RBM41: variants seen among roughly 807,000 people sequenced by gnomAD.
The protein encoded by RBM41 is RNA binding motif protein 41.
RBM41 carries 14 observed loss-of-function variants against 30.8 expected under a neutral mutation model. That is an observed-to-expected ratio of 0.45 (90% CI 0.30 to 0.71). The LOEUF is 0.71. RBM41 is among the 30% of genes least tolerant of loss of function. RBM41 has a pLI of 0.08. For missense variants in RBM41, 276 were observed against 326.3 expected (o/e 0.85, Z 1.19); for synonymous variants, 120 against 110.1 (o/e 1.09, Z -0.56).
chrX:107,097,762 C>T lies in RBM41; in HGVS notation c.596-8923G>A, dbSNP rs1355881416. Among the ~76,000 whole-genome samples, 3 of 112,002 alleles carry T rather than the reference C, an allele frequency of 2.7e-5. No homozygotes were observed. In the East Asian group the frequency reaches 8.4e-4, roughly 31 times the overall value. ...AGGAACAAATTGCTGATACATGCCA[C>T]AACATGGAGAACCTCCAAAACATTA... On this transcript the variant is annotated intron_variant, in intron 5 of 7. Transcript: ENST00000685964.
intron 6 of RBM41, among the ~76,000 whole-genome samples, chrX:107,078,921 T>C (rs1921251477): frequency 9.1e-6 from 1 of 110,446 alleles, no homozygotes; most frequent in Non-Finnish European, 1.9e-5. Flanking sequence ...CAAAGAACAA[T>C]AAAATAATGA....
At chrX:107,055,777 C>T in the RBM41 span, among the ~76,000 whole-genome samples, 1 of 112,568 alleles carries the variant, frequency 8.9e-6, no homozygotes, top group Admixed American at 9.4e-5. Context: ...TACTTTCCTT[C>T]TTAGAAATGT....
At chrX:107,116,358 A>G in intron 2 of RBM41, 2 of 692,881 alleles carry the variant, frequency 2.9e-6, no homozygotes, top group Admixed American at 5.3e-5. Context: ...TTGTGGAAAA[A>G]CAGTGGAACA....
chrX:107,095,526 G>A (rs1291359577), intron 5 of RBM41, among the ~76,000 whole-genome samples: 3 of 109,470 alleles, frequency 2.7e-5, no homozygotes, highest in Non-Finnish European at 5.7e-5. Context: ...AACCTAGGTG[G>A]CGGAGATTGC....
chrX:107,063,952 C>CTTTTTTTTT lies in RBM41; in HGVS notation c.*3566_*3574dup, dbSNP rs1202676973. The stretch of plus-strand genomic sequence containing the variant: ...AGGTTAGTGCTATGGTCTTTCTTTT[C>CTTTTTTTTT]TTTTTTTTTTTTTTTTTGAGATGGA... On this transcript the variant is annotated 3_prime_UTR_variant, in exon 8 of 8. Coordinates refer to ENST00000685964, the MANE Select transcript of RBM41 (RefSeq NM_001324242.2). 2.2e-5 allele frequency among the ~76,000 whole-genome samples: 2 copies of CTTTTTTTTT among 90,913 alleles called. No individual in the cohort carries two copies. The allele number at this position is 90,913 out of a possible 115,157, so 78.9% of individuals were successfully genotyped here.
intron 5 of RBM41, among the ~76,000 whole-genome samples, chrX:107,109,779 A>G (rs1924306706): frequency 9.0e-6 from 1 of 111,142 alleles, no homozygotes; most frequent in Non-Finnish European, 1.9e-5. Flanking sequence ...ATTTTACTCC[A>G]TAAGTTTTTG....
chrX:107,115,867 C>T lies in RBM41; in HGVS notation c.313G>A (p.Glu105Lys). The change falls in exon 3 of 8, where the codon GAA becomes AAA. Residue 105 changes from glutamate (E) to lysine (K), a missense_variant. Physicochemically the swap from Glu to Lys is moderately conservative, Grantham distance 56 (BLOSUM62 1). Transcript: ENST00000685964. ...AAAAACATTACCCCACTCACCTTTTCACCAGAAACATGGCTCTTCCAGATC... is the reference window on the plus strand; with the variant it reads ...AAAAACATTACCCCACTCACCTTTTTACCAGAAACATGGCTCTTCCAGATC... ...ILIWKSHVSG[E>K]KKTKLRATPE... 1 of 1,186,286 alleles carries T rather than the reference C, an allele frequency of 8.4e-7. No individual in the cohort carries two copies. Among genetic ancestry groups the T allele is most frequent in the Non-Finnish European group, 1.1e-6 (1 of 882,645 alleles).
chrX:107,113,572 C>T (rs1924672220), intron 4 of RBM41, 104 bp from the exon 5 acceptor site: 11 of 897,503 alleles, frequency 1.2e-5, no homozygotes, highest in East Asian at 7.8e-5. Context: ...AAGTGATTTA[C>T]ATGTATTCTC....
chrX:107,102,860 T>A (rs1923583084), intron 5 of RBM41, among the ~76,000 whole-genome samples: 1 of 111,294 alleles, frequency 9.0e-6, no homozygotes, highest in African/African-American at 3.3e-5. Context: ...AACCCCTTTA[T>A]TCCCTCATTT....
intron 6 of RBM41, among the ~76,000 whole-genome samples, chrX:107,085,236 ATTGT>A (rs1361384859): frequency 2.0e-5 from 2 of 98,726 alleles, no homozygotes; most frequent in Non-Finnish European, 4.1e-5. Flanking sequence ...TAGAATTCTT[ATTGT>A]TTTTCTTTTT....
chrX:107,060,221 G>T (rs184754667), downstream of RBM41, among the ~76,000 whole-genome samples: 94 of 109,231 alleles, frequency 8.6e-4, no homozygotes, highest in Middle Eastern at 9.3e-3. Flanking sequence ...CAGGAGATGG[G>T]ACATCTTCCT....
downstream of RBM41, among the ~76,000 whole-genome samples, chrX:107,059,817 G>A (rs972311239): frequency 8.9e-6 from 1 of 111,815 alleles, no homozygotes; most frequent in Non-Finnish European, 1.9e-5. Flanking sequence ...CTACAAGAGT[G>A]TCTATTTTCC....
chrX:107,115,801 G>C, intron 3 of RBM41, 61 bp downstream of exon 3: 1 of 1,099,049 alleles, frequency 9.1e-7, no homozygotes, highest in Non-Finnish European at 1.2e-6. Flanking sequence ...CTAAAATGAA[G>C]ATATTTTGCT....
downstream of RBM41, among the ~76,000 whole-genome samples, chrX:107,060,214 G>A (rs1358489079): frequency 1.8e-5 from 2 of 109,423 alleles, no homozygotes; most frequent in Admixed American, 9.7e-5. Context: ...AAATAAGCAG[G>A]AGATGGGACA....
At chrX:107,108,747 G>A (rs1419185464) in intron 5 of RBM41, among the ~76,000 whole-genome samples, 1 of 111,570 alleles carries the variant, frequency 9.0e-6, no homozygotes, top group Non-Finnish European at 1.9e-5. Flanking sequence ...TAGCTTTGCA[G>A]TAGCCTTGAA....
chrX:107,066,367 T>C lies in RBM41; in HGVS notation c.*1160A>G, dbSNP rs1935839208. On this transcript the variant is annotated 3_prime_UTR_variant, in exon 8 of 8. Coordinates refer to ENST00000685964, the MANE Select transcript of RBM41 (RefSeq NM_001324242.2). ...GGGGGTATTTATAGCCATTATTTCT[T>C]AGAATATTTTTCTGCTCCTTCATTT... 1 of 111,978 alleles carries C rather than the reference T, an allele frequency of 8.9e-6. No homozygotes were observed. Among genetic ancestry groups the C allele is most frequent in the African/African-American group, 3.2e-5 (1 of 30,845 alleles). 9.2% of individuals were successfully genotyped at this position (111,978 alleles called of 1,213,427 possible). A position where few individuals can be genotyped will look rare whatever the true frequency, so the allele number is the denominator to read the frequency against.
chrX:107,116,847 C>A, intron 1 of RBM41, 81 bp from the exon 2 acceptor site: 2 of 913,018 alleles, frequency 2.2e-6, no homozygotes, highest in Non-Finnish European at 3.0e-6. Context: ...TATTATCTAC[C>A]ATTACTGACC....
chrX:107,088,095 G>A (rs764621816), intron 6 of RBM41, among the ~76,000 whole-genome samples: 2 of 112,005 alleles, frequency 1.8e-5, no homozygotes, highest in East Asian at 5.6e-4. Flanking sequence ...ACCAGCTATG[G>A]TGGTCCTATG....
At chrX:107,114,452 G>C (rs2147763601) in intron 4 of RBM41, 1 of 111,821 alleles carries the variant, frequency 8.9e-6, no homozygotes, top group Admixed American at 9.5e-5. Flanking sequence ...AAAATTTTTA[G>C]CTACCTTTCT....
Sources: allele counts gnomAD v4.1 joint callset (sites outside exome capture counted in the v4.1 genomes callset), GRCh38; gene constraint gnomAD v4.1.1; transcripts MANE v1.5; gene names NCBI Gene and HGNC (gene_info 2026-07-23, HGNC 2026-07-21).